The following CCDC7 variants were observed in gnomAD, a reference collection of about 807,000 sequenced individuals.
The protein encoded by CCDC7 is coiled-coil domain containing 7.
In CCDC7, 183 loss-of-function variants were observed where a neutral mutation model predicts 196.9. That is an observed-to-expected ratio of 0.93 (90% confidence interval 0.82 to 1.05). CCDC7 has a LOEUF of 1.05. CCDC7 is among the 50% of genes least tolerant of loss of function. The pLI is 0.00. For missense variants in CCDC7, 1,540 were observed against 1,482.2 expected (o/e 1.04, Z -0.64); for synonymous variants, 525 against 484.6 (o/e 1.08, Z -1.10).
chr10:32,485,167 A>G (rs2040788585), intron 8 of CCDC7, among the ~76,000 whole-genome samples: 1 of 152,168 alleles, frequency 6.6e-6, no homozygotes, highest in Admixed American at 6.5e-5. Context: ...TTATTGCCTC[A>G]ATTTCAGAGC....
chr10:32,583,125 G>C (rs1351349816), exon 17 of CCDC7: 3 of 1,231,382 alleles, frequency 2.4e-6, no homozygotes, highest in Non-Finnish European at 3.0e-6. Flanking sequence ...GAGTTCAAAT[G>C]AAGTTTCAGT....
intron 40 of CCDC7, among the ~76,000 whole-genome samples, chr10:32,853,574 T>A (rs2093642865): frequency 6.6e-6 from 1 of 152,226 alleles, no homozygotes; most frequent in Non-Finnish European, 1.5e-5. Flanking sequence ...GCTTTTAATG[T>A]CAGCATTTTT....
rs573224654 is a variant in CCDC7 at position 32,547,599 on chromosome 10, T to A, written c.1134+3298T>A. 3.0e-4 allele frequency among the ~76,000 whole-genome samples: 46 copies of A among 152,134 alleles called. 1 individual carries two copies. The highest frequency in any genetic ancestry group is 2.1e-3 in the East Asian group (11 of 5,184). ...GCCGTCTTATTTTATTAAAAAAAAATTTATTTTTATTTCTGTGGGTACATA... is the reference window on the plus strand; with the variant it reads ...GCCGTCTTATTTTATTAAAAAAAAAATTATTTTTATTTCTGTGGGTACATA... On this transcript the variant is annotated intron_variant, in intron 13 of 41. Coordinates refer to ENST00000639629, the Ensembl canonical transcript of CCDC7.
At chr10:32,695,446 G>T (rs2077587270) in intron 24 of CCDC7, among the ~76,000 whole-genome samples, 1 of 152,222 alleles carries the variant, frequency 6.6e-6, no homozygotes, top group African/African-American at 2.4e-5. Context: ...AGGGTCTCCA[G>T]AACATCCTGT....
intron 16 of CCDC7, among the ~76,000 whole-genome samples, chr10:32,577,024 G>T (rs2058273611): frequency 6.6e-6 from 1 of 152,064 alleles, no homozygotes; most frequent in Admixed American, 6.6e-5. Context: ...CTAAGTTGTT[G>T]TAACTATTTC....
intron 8 of CCDC7, among the ~76,000 whole-genome samples, chr10:32,485,776 G>C (rs2040940549): frequency 1.3e-5 from 2 of 152,148 alleles, no homozygotes; most frequent in Admixed American, 1.3e-4. Flanking sequence ...TTCAGGAGCA[G>C]GTTGTTCAGT....
intron 9 of CCDC7, among the ~76,000 whole-genome samples, chr10:32,501,357 C>T (rs564620897): frequency 1.7e-3 from 255 of 152,140 alleles, no homozygotes; most frequent in Non-Finnish European, 3.2e-3. Context: ...TTTGTTATTA[C>T]CCACCTTCTG....
intron 20 of CCDC7, among the ~76,000 whole-genome samples, chr10:32,662,902 A>G (rs1031369036): frequency 1.3e-5 from 2 of 152,178 alleles, no homozygotes; most frequent in Non-Finnish European, 2.9e-5. Context: ...GTAAGAGACT[A>G]TCAGGTAGCT....
At chr10:32,595,532 C>A (rs911366967) in intron 18 of CCDC7, among the ~76,000 whole-genome samples, 2 of 152,016 alleles carry the variant, frequency 1.3e-5, no homozygotes, top group African/African-American at 4.8e-5. Context: ...AGTTTTTTGT[C>A]TCTATCTCCT....
chr10:32,591,313 A>G (rs2059761277), intron 18 of CCDC7, among the ~76,000 whole-genome samples: 1 of 151,842 alleles, frequency 6.6e-6, no homozygotes, highest in African/African-American at 2.4e-5. Context: ...CAGTTCTGCT[A>G]TTAAGGACTC....
intron 28 of CCDC7, among the ~76,000 whole-genome samples, chr10:32,732,097 T>C (rs2084085335): frequency 6.6e-6 from 1 of 152,146 alleles, no homozygotes. Flanking sequence ...TGGTCCTTTC[T>C]ATATATTAAT....
chr10:32,663,554 T>A lies in CCDC7; in HGVS notation c.2015-500T>A, dbSNP rs1353439315. Among the ~76,000 whole-genome samples, 4 of 152,268 alleles carry A rather than the reference T, an allele frequency of 2.6e-5. No individual in the cohort carries two copies. The East Asian group carries it at 7.7e-4, about 29-fold the overall frequency. Reference sequence around the variant, plus strand: ...TAACATTACCTTCTATAAATCCCTCTAAATCAGGTTGTAACAATCTTTTTA... The same window carrying A: ...TAACATTACCTTCTATAAATCCCTCAAAATCAGGTTGTAACAATCTTTTTA... On this transcript the variant is annotated intron_variant, in intron 20 of 41. Coordinates refer to ENST00000639629, the Ensembl canonical transcript of CCDC7.
At chr10:32,498,512 G>A (rs560145470) in intron 9 of CCDC7, among the ~76,000 whole-genome samples, 1 of 152,148 alleles carries the variant, frequency 6.6e-6, no homozygotes, top group Non-Finnish European at 1.5e-5. Flanking sequence ...TTTTGCAGTG[G>A]CTGGTACCGG....
rs138477482 is a variant in CCDC7 at position 32,606,469 on chromosome 10, C to T, written c.1801+22165C>T. Among the ~76,000 whole-genome samples, 901 of 152,312 alleles carry T rather than the reference C, an allele frequency of 5.9e-3. 9 individuals are homozygous for T. Among genetic ancestry groups the T allele is most frequent in the African/African-American group, 0.021 (859 of 41,562 alleles). ...TCCACTGGCAGCTTGCACCCTGTGC[C>T]TGGAAAAACTGTAGGCACTCAACTC... On this transcript the variant is annotated intron_variant, in intron 18 of 41. Transcript: ENST00000639629.
chr10:32,579,913 A>G (rs1247457542), intron 16 of CCDC7, among the ~76,000 whole-genome samples: 1 of 152,034 alleles, frequency 6.6e-6, no homozygotes, highest in Non-Finnish European at 1.5e-5. Context: ...TCTGTTTTTC[A>G]AAAGCTGTAA....
intron 13 of CCDC7, among the ~76,000 whole-genome samples, chr10:32,564,919 GT>G (rs2056525756): frequency 1.3e-5 from 2 of 152,078 alleles, no homozygotes. Flanking sequence ...TGAGACTGCA[GT>G]GAGCTAGGAA....
chr10:32,863,886 A>AAAATAAAT (rs76626663), intron 41 of CCDC7, among the ~76,000 whole-genome samples: 2,558 of 147,444 alleles, frequency 0.017, 38 homozygotes, highest in Middle Eastern at 0.028. Flanking sequence ...GCTAAAAAAC[A>AAAATAAAT]AAATAAATAA....
At chr10:32,703,875 T>C (rs1301184311) in intron 24 of CCDC7, among the ~76,000 whole-genome samples, 1 of 152,114 alleles carries the variant, frequency 6.6e-6, no homozygotes, top group Non-Finnish European at 1.5e-5. Flanking sequence ...TCATGTCCTT[T>C]AAGGACCTCT....
At chr10:32,846,332 A>G (rs748586359) in intron 36 of CCDC7, 44 bp from the exon 38 acceptor site, 1 of 1,160,796 alleles carries the variant, frequency 8.6e-7, no homozygotes, top group South Asian at 1.3e-5. Context: ...ATGTATGGTA[A>G]TGTTTACCTT....
Sources: allele counts gnomAD v4.1 joint callset (sites outside exome capture counted in the v4.1 genomes callset), GRCh38; gene constraint gnomAD v4.1.1; transcripts MANE v1.5; gene names NCBI Gene and HGNC (gene_info 2026-07-23, HGNC 2026-07-21).